FAM210A: variants seen among roughly 807,000 people sequenced by gnomAD.
FAM210A encodes mitochondrial inner membrane scaffold 1, also known as family with sequence similarity 210 member A.
A neutral mutation model predicts 25.3 loss-of-function variants in FAM210A; 13 were observed. That is an observed-to-expected ratio of 0.51 (90% CI 0.33 to 0.82). FAM210A has a LOEUF of 0.82. Among genes scored for constraint, FAM210A ranks in the 40% least tolerant of loss-of-function variants. The pLI, the probability that FAM210A is intolerant of heterozygous loss-of-function variation, is 0.02. For synonymous variants in FAM210A, 125 were observed against 118.7 expected (o/e 1.05, Z -0.35); for missense variants, 319 against 323.2 (o/e 0.99, Z 0.10).
intron 1 of FAM210A, among the ~76,000 whole-genome samples, chr18:13,704,485 T>A (rs906236793): frequency 1.3e-5 from 2 of 152,198 alleles, no homozygotes; most frequent in Non-Finnish European, 2.9e-5. Flanking sequence ...TATAAAAATC[T>A]CACCTCATGG....
chr18:13,690,445 A>G (rs1305610523), intron 1 of FAM210A, among the ~76,000 whole-genome samples: 1 of 152,256 alleles, frequency 6.6e-6, no homozygotes, highest in African/African-American at 2.4e-5. Context: ...GAGAATGGAC[A>G]GTCTGCCTTC....
intron 1 of FAM210A, among the ~76,000 whole-genome samples, chr18:13,689,912 C>G (rs1014708134): frequency 1.3e-5 from 2 of 152,208 alleles, no homozygotes; most frequent in East Asian, 3.9e-4. Flanking sequence ...GTTCATCTCA[C>G]TGGGGCTTGT....
chr18:13,706,389 T>C (rs1415942143), intron 1 of FAM210A, among the ~76,000 whole-genome samples: 2 of 151,750 alleles, frequency 1.3e-5, no homozygotes, highest in Non-Finnish European at 2.9e-5. Context: ...TTATGGGGTA[T>C]ACTTTTATTT....
intron 1 of FAM210A, among the ~76,000 whole-genome samples, chr18:13,694,871 T>A (rs2043679146): frequency 6.6e-6 from 1 of 152,094 alleles, no homozygotes. Flanking sequence ...ATAAATGGGA[T>A]CTAATTAAAC....
chr18:13,676,259 G>A (rs74208052), intron 2 of FAM210A, among the ~76,000 whole-genome samples: 1 of 88,852 alleles, frequency 1.1e-5, no homozygotes, highest in African/African-American at 4.2e-5. Flanking sequence ...CTGAGCCCTG[G>A]CTTCTTTATT....
In FAM210A at chr18:13,665,381, C is replaced by CAAAAAAAAAAAAAAAAAAAAAAAAAAAA. The variant is rs56656145; in HGVS notation, c.*1098_*1099insTTTTTTTTTTTTTTTTTTTTTTTTTTTT. On this transcript the variant is annotated 3_prime_UTR_variant, in exon 4 of 4. Transcript: ENST00000651643. The stretch of plus-strand genomic sequence containing the variant: ...GGAGAGAGAGAGGGAGGCTCCGTCT[C>CAAAAAAAAAAAAAAAAAAAAAAAAAAAA]AAAAAAAAAAAAAAAAAAAAAAAAA... The CAAAAAAAAAAAAAAAAAAAAAAAAAAAA allele has an allele frequency of 7.1e-4, 45 of 63,704 alleles. No individual in the cohort carries two copies. Among genetic ancestry groups the CAAAAAAAAAAAAAAAAAAAAAAAAAAAA allele is most frequent in the Non-Finnish European group, 1.1e-3 (33 of 31,302 alleles). The allele number at this position is 63,704 out of a possible 1,614,324, so 3.9% of individuals were successfully genotyped here.
intron 1 of FAM210A, among the ~76,000 whole-genome samples, chr18:13,696,333 C>T (rs1437911715): frequency 6.6e-6 from 1 of 152,092 alleles, no homozygotes; most frequent in Non-Finnish European, 1.5e-5. Flanking sequence ...TAGACTTCAC[C>T]AAAAAGCAGG....
chr18:13,685,070 CTT>C (rs2043585311), intron 1 of FAM210A, among the ~76,000 whole-genome samples: 1 of 152,120 alleles, frequency 6.6e-6, no homozygotes, highest in African/African-American at 2.4e-5. Flanking sequence ...GAGGACTAAA[CTT>C]TGACCTTTTT....
intron 1 of FAM210A, among the ~76,000 whole-genome samples, chr18:13,721,368 G>A (rs2043896317): frequency 6.6e-6 from 1 of 152,150 alleles, no homozygotes; most frequent in Admixed American, 6.5e-5. Context: ...GCTGCAATTA[G>A]TCACTACTCA....
chr18:13,683,578 T>G (rs983722560), intron 1 of FAM210A, among the ~76,000 whole-genome samples: 3 of 151,920 alleles, frequency 2.0e-5, no homozygotes, highest in Non-Finnish European at 4.4e-5. Flanking sequence ...TTTTTTTTTT[T>G]TTTAAGAATT....
rs183815185 is a variant in FAM210A at position 13,703,083 on chromosome 18, A to T, written c.-28-20978T>A. Among the ~76,000 whole-genome samples the T allele has an allele frequency of 2.6e-5, 4 of 152,322 alleles. No individual in the cohort carries two copies. The East Asian group carries it at 7.7e-4, about 29-fold the overall frequency. On this transcript the variant is annotated intron_variant, in intron 1 of 3. Coordinates refer to ENST00000651643, the MANE Select transcript of FAM210A (RefSeq NM_152352.4). ...TTTGGGAAAAACTTCTGTTTTCCTC[A>T]TTAAATCCCAGGAATTGGAAGTGGA...
chr18:13,716,416 T>C (rs371875768), intron 1 of FAM210A, among the ~76,000 whole-genome samples: 9 of 152,182 alleles, frequency 5.9e-5, no homozygotes, highest in African/African-American at 2.2e-4. Flanking sequence ...GGTCCAGGGA[T>C]GGGCATGTGA....
chr18:13,711,518 G>T (rs2043821514), intron 1 of FAM210A, among the ~76,000 whole-genome samples: 1 of 151,938 alleles, frequency 6.6e-6, no homozygotes, highest in Non-Finnish European at 1.5e-5. Context: ...ATACCTTTTG[G>T]GCCTTTCATT....
At chr18:13,717,098 G>A (rs1403144078) in intron 1 of FAM210A, among the ~76,000 whole-genome samples, 1 of 152,158 alleles carries the variant, frequency 6.6e-6, no homozygotes, top group Non-Finnish European at 1.5e-5. Flanking sequence ...TACTGATGAA[G>A]CAAGGCTGGG....
chr18:13,674,146 T>C (rs1209819975), intron 2 of FAM210A, among the ~76,000 whole-genome samples: 1 of 151,236 alleles, frequency 6.6e-6, no homozygotes, highest in African/African-American at 2.4e-5. Context: ...GCTTCTTTAT[T>C]TCCAGTTTCC....
At chr18:13,683,672 T>A (rs956880836) in intron 1 of FAM210A, among the ~76,000 whole-genome samples, 1 of 151,486 alleles carries the variant, frequency 6.6e-6, no homozygotes, top group East Asian at 1.9e-4. Context: ...CATTACCATA[T>A]AGTCAATCAG....
Position 13,705,881 on chromosome 18 carries a change from T to C in FAM210A, c.-29+20448A>G, listed in dbSNP as rs147480890. ...ACCTGATGGGTCATTTAAACATTTG[T>C]AGAGGGATTTCATTCAATTGTCATT... On this transcript the variant is annotated intron_variant, in intron 1 of 3. Transcript: ENST00000651643. Among the ~76,000 whole-genome samples, 1,234 of 152,324 alleles carry C rather than the reference T, an allele frequency of 8.1e-3. 22 individuals are homozygous for C. Among genetic ancestry groups the C allele is most frequent in the African/African-American group, 0.029 (1,191 of 41,564 alleles).
intron 1 of FAM210A, among the ~76,000 whole-genome samples, chr18:13,684,337 T>C (rs1349054396): frequency 2.0e-5 from 3 of 151,938 alleles, no homozygotes; most frequent in Non-Finnish European, 2.9e-5. Flanking sequence ...AGGTGGAGGC[T>C]GCAGTGACCC....
At chr18:13,671,457 A>G (rs767961764) in intron 3 of FAM210A, among the ~76,000 whole-genome samples, 2 of 152,214 alleles carry the variant, frequency 1.3e-5, no homozygotes, top group African/African-American at 4.8e-5. Context: ...GGAAAATCAC[A>G]TAAGTCTAAC....
Sources: allele counts gnomAD v4.1 joint callset (sites outside exome capture counted in the v4.1 genomes callset), GRCh38; gene constraint gnomAD v4.1.1; transcripts MANE v1.5; gene names NCBI Gene and HGNC (gene_info 2026-07-23, HGNC 2026-07-21).